The following ARNT2 variants were observed in gnomAD, a reference collection of about 807,000 sequenced individuals.
ARNT2 encodes the protein aryl hydrocarbon receptor nuclear translocator 2.
ARNT2 carries 36 observed loss-of-function variants against 91.7 expected under a neutral mutation model. The ratio of observed to expected loss-of-function variants is 0.39; its 90% CI spans 0.30 to 0.52. The LOEUF is 0.52. ARNT2 is among the 20% of genes least tolerant of loss of function. The pLI is 0.72. For missense variants in ARNT2, 775 were observed against 939.3 expected (o/e 0.83, Z 2.29); for synonymous variants, 365 against 347.1 (o/e 1.05, Z -0.57).
At chr15:80,521,298 T>C (rs1324761138) in intron 8 of ARNT2, among the ~76,000 whole-genome samples, 1 of 150,456 alleles carries the variant, frequency 6.6e-6, no homozygotes, top group Non-Finnish European at 1.5e-5. Context: ...CAAGTTACAC[T>C]TTTTTTTTCT....
intron 12 of ARNT2, among the ~76,000 whole-genome samples, chr15:80,566,712 C>A (rs539500152): frequency 4.6e-5 from 7 of 152,324 alleles, no homozygotes; most frequent in African/African-American, 1.4e-4. Context: ...TATGAAATAA[C>A]CTGTTCTCAC....
intron 1 of ARNT2, among the ~76,000 whole-genome samples, chr15:80,412,035 A>G (rs931326579): frequency 6.6e-6 from 1 of 152,242 alleles, no homozygotes; most frequent in Non-Finnish European, 1.5e-5. Context: ...AGCCACCCCA[A>G]CAGCATTCAG....
chr15:80,539,931 T>C (rs1897880832), intron 8 of ARNT2, among the ~76,000 whole-genome samples: 1 of 152,000 alleles, frequency 6.6e-6, no homozygotes, highest in Admixed American at 6.6e-5. Context: ...TGTTATACGC[T>C]GTTCTTGGGA....
chr15:80,537,375 C>A (rs1008542191), intron 8 of ARNT2, among the ~76,000 whole-genome samples: 1 of 152,162 alleles, frequency 6.6e-6, no homozygotes, highest in Non-Finnish European at 1.5e-5. Flanking sequence ...CAGTTATACC[C>A]CCTGCAGTAC....
intron 5 of ARNT2, among the ~76,000 whole-genome samples, chr15:80,487,186 G>A (rs72747551): frequency 0.032 from 4,899 of 152,200 alleles, 125 homozygotes; most frequent in Non-Finnish European, 0.052. Context: ...CCCTGAGCCC[G>A]GGCTTCCATC....
chr15:80,528,597 G>A (rs928556055), intron 8 of ARNT2, among the ~76,000 whole-genome samples: 5 of 152,144 alleles, frequency 3.3e-5, no homozygotes, highest in African/African-American at 1.2e-4. Context: ...GGTCATGGGA[G>A]TGGACCGCTC....
Position 80,594,689 on chromosome 15 carries a change from C to T in ARNT2, c.*991C>T, listed in dbSNP as rs1265635190. 6.6e-6 allele frequency: 1 copy of T among 152,544 alleles called. No individual in the cohort carries two copies. Among genetic ancestry groups the T allele is most frequent in the Non-Finnish European group, 1.5e-5 (1 of 68,300 alleles). 9.4% of individuals were successfully genotyped at this position (152,544 alleles called of 1,614,324 possible). Reference sequence around the variant, plus strand: ...ATAAGCATGTCTCATCCTTGCCCCACTGGTGAGAGGAGGACCTTGTGCCTG... The same window carrying T: ...ATAAGCATGTCTCATCCTTGCCCCATTGGTGAGAGGAGGACCTTGTGCCTG... On this transcript the variant is annotated 3_prime_UTR_variant, in exon 19 of 19. Transcript: ENST00000303329.
intron 15 of ARNT2, among the ~76,000 whole-genome samples, chr15:80,578,761 T>C (rs1376695270): frequency 6.6e-6 from 1 of 152,122 alleles, no homozygotes; most frequent in Non-Finnish European, 1.5e-5. Flanking sequence ...AGGCACTTGC[T>C]GAGTACTAGT....
At chr15:80,543,320 A>T (rs770798359) in intron 8 of ARNT2, among the ~76,000 whole-genome samples, 6 of 152,070 alleles carry the variant, frequency 3.9e-5, no homozygotes, top group Non-Finnish European at 8.8e-5. Context: ...GGTCAGAGAG[A>T]TTAGATCACT....
intron 2 of ARNT2, among the ~76,000 whole-genome samples, chr15:80,456,795 A>G (rs1195704873): frequency 6.6e-6 from 1 of 152,178 alleles, no homozygotes; most frequent in African/African-American, 2.4e-5. Context: ...CAGCAGCTCT[A>G]GAATCTGTAG....
chr15:80,569,604 G>A (rs556536611), intron 12 of ARNT2, among the ~76,000 whole-genome samples: 57 of 152,330 alleles, frequency 3.7e-4, no homozygotes, highest in African/African-American at 1.3e-3. Context: ...CAGAGCCAGA[G>A]CAGTTAGGGT....
At chr15:80,417,353 A>G (rs1001761339) in intron 1 of ARNT2, among the ~76,000 whole-genome samples, 7 of 143,168 alleles carry the variant, frequency 4.9e-5, no homozygotes, top group African/African-American at 1.8e-4. Flanking sequence ...TTTAAGTTTC[A>G]CTTGAAAACA....
intron 3 of ARNT2, among the ~76,000 whole-genome samples, chr15:80,462,948 T>C (rs2141389236): frequency 6.6e-6 from 1 of 152,330 alleles, no homozygotes. Flanking sequence ...CCTGGCTTTA[T>C]AGGTTGTGGT....
Position 80,580,383 on chromosome 15 carries a change from G to A in ARNT2, c.1614-28G>A, listed in dbSNP as rs372275563. On this transcript the variant is annotated intron_variant, in intron 15 of 18. Transcript: ENST00000303329. The stretch of plus-strand genomic sequence containing the variant: ...ACTCATGCAAACCAGGTGTGTCCTC[G>A]GGATAAATGCATTTTCCTCTTTTCT... 45 of 1,613,314 alleles carry A rather than the reference G, an allele frequency of 2.8e-5. No homozygotes were observed. In the African/African-American group the frequency reaches 2.8e-4, roughly 10 times the overall value.
At position 80,431,605 on chromosome 15, in the gene ARNT2, G is replaced by A. The variant is rs559677468; in HGVS notation, c.32-19275G>A. Among the ~76,000 whole-genome samples, 450 of 152,292 alleles carry A rather than the reference G, an allele frequency of 3.0e-3. 2 individuals are homozygous for A. The highest frequency in any genetic ancestry group is 0.01 in the African/African-American group (426 of 41,570). ...ATAGTCTGAAGCGGCTGGAATAGGG[G>A]TCCTTACAGACAGGCCCACCTTCCT... is the stretch of plus-strand genomic sequence containing the variant. On this transcript the variant is annotated intron_variant, in intron 1 of 18. Coordinates refer to ENST00000303329, the MANE Select transcript of ARNT2 (RefSeq NM_014862.4).
At chr15:80,523,648 C>T (rs1450653738) in intron 8 of ARNT2, among the ~76,000 whole-genome samples, 1 of 152,148 alleles carries the variant, frequency 6.6e-6, no homozygotes, top group East Asian at 1.9e-4. Flanking sequence ...GAGCTCCAGC[C>T]CCCTGATATC....
In ARNT2 at chr15:80,530,684, A is replaced by G. The variant is rs148885343; in HGVS notation, c.877+16279A>G. ...TAGTTACTCAAGTGGTATCAGTTCA[A>G]TCTGTTGAGCCAAAAGCACCTGGTA... On this transcript the variant is annotated intron_variant, in intron 8 of 18. Coordinates refer to ENST00000303329, the MANE Select transcript of ARNT2 (RefSeq NM_014862.4). Among the ~76,000 whole-genome samples, 975 of 152,252 alleles carry G rather than the reference A, an allele frequency of 6.4e-3. 11 individuals carry two copies. The highest frequency in any genetic ancestry group is 0.022 in the African/African-American group (931 of 41,542).
chr15:80,444,174 G>A (rs1283774867), intron 1 of ARNT2: 3 of 152,810 alleles, frequency 2.0e-5, no homozygotes, highest in Non-Finnish European at 2.9e-5. Context: ...AACAAGAGGG[G>A]ATGGATGACT....
intron 17 of ARNT2, among the ~76,000 whole-genome samples, chr15:80,585,300 A>G (rs1041345523): frequency 1.3e-5 from 2 of 152,230 alleles, no homozygotes; most frequent in Non-Finnish European, 2.9e-5. Flanking sequence ...CCAAGCATTT[A>G]TTCCCTTAAC....
Sources: gnomAD v4.1 joint callset for allele counts (sites outside exome capture counted in the v4.1 genomes callset) on GRCh38, gnomAD v4.1.1 for gene constraint, MANE v1.5 for transcripts, NCBI Gene and HGNC (gene_info 2026-07-23, HGNC 2026-07-21) for gene names.